ATG13: variants seen among roughly 807,000 people sequenced by gnomAD.
ATG13 encodes autophagy-related protein 13.
A neutral mutation model predicts 65.5 loss-of-function variants in ATG13; 23 were observed. That is an observed-to-expected ratio of 0.35 (90% CI 0.25 to 0.50). The LOEUF (loss-of-function observed/expected upper bound fraction) is 0.50. Among genes scored for constraint, ATG13 ranks in the 20% least tolerant of loss-of-function variants. The pLI is 0.98. For synonymous variants in ATG13, 252 were observed against 245.2 expected (o/e 1.03, Z -0.26); for missense variants, 566 against 677.0 (o/e 0.84, Z 1.82).
intron 18 of ATG13, among the ~76,000 whole-genome samples, chr11:46,670,598 G>A (rs771848793): frequency 5.9e-5 from 9 of 152,184 alleles, no homozygotes; most frequent in Admixed American, 2.6e-4. Context: ...CTTGAACTCA[G>A]GAGTTTAAGA....
intron 5 of ATG13, among the ~76,000 whole-genome samples, chr11:46,647,090 C>G (rs1253886535): frequency 1.3e-5 from 2 of 152,046 alleles, no homozygotes; most frequent in Non-Finnish European, 1.5e-5. Context: ...GGGTCTTTAC[C>G]CTCTTGTTCA....
chr11:46,654,211 T>A (rs961667463), intron 7 of ATG13, among the ~76,000 whole-genome samples: 7 of 148,612 alleles, frequency 4.7e-5, no homozygotes, highest in Non-Finnish European at 8.9e-5. Flanking sequence ...GGTGGGAGGA[T>A]TGCTTGAGCC....
Position 46,650,322 on chromosome 11 carries a change from A to G in ATG13, c.458+5A>G. 1 of 1,611,818 alleles carries G rather than the reference A, an allele frequency of 6.2e-7. No homozygotes were observed. Among genetic ancestry groups the G allele is most frequent in the Non-Finnish European group, 8.5e-7 (1 of 1,178,422 alleles). ...TGAATATGTCATATTATACAGGTAA[A>G]CAGCATAGATGGTCATCTTGATTCA... On this transcript the variant is annotated splice_donor_5th_base_variant and intron_variant, in intron 7 of 18. Transcript: ENST00000683050.
intron 14 of ATG13, among the ~76,000 whole-genome samples, chr11:46,665,905 A>G (rs978379279): frequency 4.8e-5 from 7 of 147,036 alleles, no homozygotes; most frequent in Non-Finnish European, 7.4e-5. Context: ...CCTGAGTTCA[A>G]GTGATTTTTG....
Position 46,669,456 on chromosome 11 carries a change from A to T in ATG13, c.1499A>T (p.Tyr500Phe), listed in dbSNP as rs371908542. Reference protein sequence around the residue: ...DILPMDLGTFYREFQNPPQLS... With the variant: ...DILPMDLGTFFREFQNPPQLS... The stretch of plus-strand genomic sequence containing the variant: ...CTTCCGATGGACCTGGGGACCTTCT[A>T]TCGGGAGTTTCAGAACCCACCTCAG... The change falls in exon 18 of 19, where the codon TAT (tyrosine) becomes TTT (phenylalanine). Residue 500 changes from tyrosine (Y) to phenylalanine (F), a missense_variant. This residue lies in a region of ATG13 where 387 missense variants were observed against 409.8 expected (regional missense o/e 0.94). Transcript: ENST00000683050. 11 of 1,614,004 alleles carry T rather than the reference A, an allele frequency of 6.8e-6. No homozygotes were observed. The highest frequency in any genetic ancestry group is 2.7e-5 in the African/African-American group (2 of 74,922).
chr11:46,667,814 C>T lies in ATG13; in HGVS notation c.1178C>T (p.Ala393Val). Residue 393 changes from alanine to valine, a missense_variant, in exon 15 of 19, where the codon GCC (alanine) becomes GTC (valine). Physicochemically the swap from Ala to Val is moderately conservative, Grantham distance 64 (BLOSUM62 0). Coordinates refer to ENST00000683050, the MANE Select transcript of ATG13 (RefSeq NM_001346311.2). ...GTATCAAACAGCAGTGAGGGACGGGCCTCCCCTCACGATGTCTTGGAGACC... is the reference window on the plus strand; with the variant it reads ...GTATCAAACAGCAGTGAGGGACGGGTCTCCCCTCACGATGTCTTGGAGACC... ...ETVSNSSEGRASPHDVLETIF... is the reference protein window; with the variant it reads ...ETVSNSSEGRVSPHDVLETIF... 6.2e-7 allele frequency: 1 copy of T among 1,611,952 alleles called. No individual in the cohort carries two copies.
At chr11:46,622,100 TATATATATATATATATATATATATA>T (rs1565397916) in intron 1 of ATG13, among the ~76,000 whole-genome samples, 15 of 67,564 alleles carry the variant, frequency 2.2e-4, no homozygotes, top group East Asian at 3.9e-4. Context: ...TATATATATA[TATATATATATATATATATATATATA>T]TATTTATTTT....
chr11:46,633,334 T>C (rs2052655914), intron 2 of ATG13, among the ~76,000 whole-genome samples: 2 of 150,894 alleles, frequency 1.3e-5, no homozygotes, highest in Non-Finnish European at 3.0e-5. Flanking sequence ...AAAAATTTTA[T>C]TTTATTTTAT....
At chr11:46,645,477 A>T (rs1591813535) in intron 4 of ATG13, 58 bp downstream of exon 4, 4 of 1,458,898 alleles carry the variant, frequency 2.7e-6, no homozygotes, top group Non-Finnish European at 3.8e-6. Flanking sequence ...AGGAATGTGT[A>T]AAGTTCTCAA....
At chr11:46,656,908 TACACACACATACACGCACATACACAC>T (rs2060148597) in intron 8 of ATG13, 161 bp from the exon 9 acceptor site, 6 of 510,672 alleles carry the variant, frequency 1.2e-5, no homozygotes, top group Non-Finnish European at 2.1e-5. Context: ...AACCTATATA[TACACACACATACACGCACATACACAC>T]ACACACACAC....
At chr11:46,665,110 C>T (rs764179887) in intron 13 of ATG13, among the ~76,000 whole-genome samples, 151 bp downstream of exon 13, 2 of 152,172 alleles carry the variant, frequency 1.3e-5, no homozygotes, top group Non-Finnish European at 1.5e-5. Context: ...AAAAGTGACT[C>T]GAGAGGAAGG....
At chr11:46,654,148 A>T (rs1276712638) in intron 7 of ATG13, among the ~76,000 whole-genome samples, 1 of 150,722 alleles carries the variant, frequency 6.6e-6, no homozygotes, top group Admixed American at 6.6e-5. Context: ...AGATTTCTTC[A>T]TGGCCAGGCA....
chr11:46,629,617 G>A (rs1482392038), intron 1 of ATG13, among the ~76,000 whole-genome samples: 6 of 152,072 alleles, frequency 3.9e-5, no homozygotes, highest in Admixed American at 1.3e-4. Context: ...GGCTGGTCTC[G>A]AACTCCTGAC....
At chr11:46,669,940 G>A (rs1260901249) in intron 18 of ATG13, among the ~76,000 whole-genome samples, 1 of 152,080 alleles carries the variant, frequency 6.6e-6, no homozygotes, top group Non-Finnish European at 1.5e-5. Flanking sequence ...AGCTCACTCC[G>A]TCATCTAGCA....
At chr11:46,642,305 T>TTG (rs1491202831) in intron 2 of ATG13, among the ~76,000 whole-genome samples, 4 of 4,732 alleles carry the variant, frequency 8.5e-4, no homozygotes, top group African/African-American at 1.0e-3. Flanking sequence ...TTTTTGTGGG[T>TTG]TTTTTTTTTT....
chr11:46,651,249 A>T (rs1256984348), intron 7 of ATG13, among the ~76,000 whole-genome samples: 1 of 152,236 alleles, frequency 6.6e-6, no homozygotes, highest in East Asian at 1.9e-4. Flanking sequence ...AGAATCAGGA[A>T]AAAAAGGTAC....
rs1054125134 is a variant in ATG13 at position 46,672,944 on chromosome 11, C to T, written c.*612C>T. 46 of 608,566 alleles carry T rather than the reference C, an allele frequency of 7.6e-5. No individual in the cohort carries two copies. The highest frequency in any genetic ancestry group is 9.3e-5 in the Non-Finnish European group (39 of 418,778). 37.7% of individuals were successfully genotyped at this position (608,566 alleles called of 1,614,324 possible). On this transcript the variant is annotated 3_prime_UTR_variant, in exon 19 of 19. Transcript: ENST00000683050. ...CCAAGATCAGAACTCCAAAACCACT[C>T]CCACCCCTGAAGGTCGGGAGGGTCT... is the stretch of plus-strand genomic sequence containing the variant.
At chr11:46,618,385 T>C (rs945473153) in intron 1 of ATG13, 4 of 152,460 alleles carry the variant, frequency 2.6e-5, no homozygotes, top group Admixed American at 2.0e-4. Context: ...GGTAAGTGGC[T>C]AAGCACCTTC....
intron 4 of ATG13, 93 bp from the exon 5 acceptor site, chr11:46,645,777 C>A: frequency 6.6e-7 from 1 of 1,519,288 alleles, no homozygotes; most frequent in South Asian, 1.2e-5. Flanking sequence ...CTTAATCAGC[C>A]ACAGCAATAC....
Sources: allele counts gnomAD v4.1 joint callset (sites outside exome capture counted in the v4.1 genomes callset), GRCh38; gene constraint gnomAD v4.1.1; regional missense constraint gnomAD v4.1.1; transcripts MANE v1.5; gene names NCBI Gene and HGNC (gene_info 2026-07-23, HGNC 2026-07-21).